Variants in XPO6 observed in about 807,000 individuals in gnomAD.
The protein encoded by XPO6 is exportin-6.
XPO6 carries 3 observed loss-of-function variants against 130.0 expected under a neutral mutation model. The observed-to-expected ratio is 0.02, with a 90% CI of 0.01 to 0.06. The LOEUF is 0.06. Among genes scored for constraint, XPO6 ranks in the 10% least tolerant of loss-of-function variants. The probability of loss-of-function intolerance (pLI) is 1.00; values close to 1 mark genes in which losing one functional copy is unlikely to be tolerated. For missense variants in XPO6, 970 were observed against 1,393.0 expected, an observed-to-expected ratio of 0.70 and a Z score of 4.83; for synonymous variants, 524 against 548.9, an observed-to-expected ratio of 0.95 and a Z score of 0.63.
intron 1 of XPO6, among the ~76,000 whole-genome samples, chr16:28,202,431 G>C (rs2141909980): frequency 6.6e-6 from 1 of 152,280 alleles, no homozygotes; most frequent in East Asian, 1.9e-4. Context: ...ACCTGGAAGA[G>C]AGGACCGGTC....
At chr16:28,125,575 T>G in intron 13 of XPO6, 114 bp downstream of exon 13, 5 of 1,368,666 alleles carry the variant, frequency 3.7e-6, no homozygotes, top group Non-Finnish European at 4.9e-6. Flanking sequence ...TGGCAGAGCC[T>G]AGATTTACCC....
At chr16:28,127,469 C>T (rs536616599) in intron 12 of XPO6, among the ~76,000 whole-genome samples, 5 of 152,204 alleles carry the variant, frequency 3.3e-5, no homozygotes, top group African/African-American at 9.6e-5. Context: ...AGTGAGTGAC[C>T]GTAAATGTAT....
chr16:28,169,833 C>A lies in XPO6; in HGVS notation c.482G>T (p.Arg161Leu). 1 of 1,614,158 alleles carries A rather than the reference C, an allele frequency of 6.2e-7. No homozygotes were observed. The highest frequency in any genetic ancestry group is 8.5e-7 in the Non-Finnish European group (1 of 1,180,002). The change falls in exon 5 of 24, where the codon CGT becomes CTT. Residue 161 changes from arginine to leucine, a missense_variant. Arg to Leu is a moderately radical substitution (Grantham distance 102). This residue lies in a region of XPO6 where 936 missense variants were observed against 1,306.8 expected (regional missense o/e 0.72). Coordinates refer to ENST00000304658, the MANE Select transcript of XPO6 (RefSeq NM_015171.4). ...KTTSEELACPREDLSVARKEE... is the reference protein window; with the variant it reads ...KTTSEELACPLEDLSVARKEE... ...CTTCCGAGCCACACTGAGGTCCTCA[C>A]GGGGACAAGCCAGCTCTTCTGAAGT...
intron 5 of XPO6, among the ~76,000 whole-genome samples, chr16:28,167,443 G>A (rs1791740370): frequency 6.6e-6 from 1 of 152,070 alleles, no homozygotes; most frequent in Non-Finnish European, 1.5e-5. Flanking sequence ...TCAACTGTCT[G>A]CTGTTCCTTC....
chr16:28,196,335 GATAATTT>G (rs1446486997), intron 1 of XPO6, among the ~76,000 whole-genome samples: 1 of 152,130 alleles, frequency 6.6e-6, no homozygotes, highest in African/African-American at 2.4e-5. Context: ...TATAGTGTAT[GATAATTT>G]ATATAAAATA....
chr16:28,188,385 A>G (rs2043729176), intron 1 of XPO6, among the ~76,000 whole-genome samples: 1 of 152,210 alleles, frequency 6.6e-6, no homozygotes, highest in Non-Finnish European at 1.5e-5. Flanking sequence ...AAACCTCAAC[A>G]AAATGAGGAC....
Position 28,132,866 on chromosome 16 carries a change from T to G in XPO6, c.1537-463A>C, listed in dbSNP as rs145146752. ...TAAGATTGGCCAAATTATTTGGAAG[T>G]CAGTTCCCTGGCTCAAGTAGCGGTC... On this transcript the variant is annotated intron_variant, in intron 11 of 23. Transcript: ENST00000304658. The surrounding 1 kb of genome is among the most constrained non-coding windows in gnomAD (Gnocchi z 4.0). Among the ~76,000 whole-genome samples the G allele has an allele frequency of 0.01, 1,578 of 152,260 alleles. 36 individuals carry two copies. Among genetic ancestry groups the G allele is most frequent in the African/African-American group, 0.036 (1,503 of 41,538 alleles).
intron 2 of XPO6, among the ~76,000 whole-genome samples, chr16:28,177,642 G>A (rs758629878): frequency 1.8e-4 from 28 of 152,156 alleles, no homozygotes; most frequent in Non-Finnish European, 3.1e-4. Flanking sequence ...TGTTCTAAGA[G>A]TACCCTTCCA....
chr16:28,110,327 C>T (rs1441055399), intron 17 of XPO6, among the ~76,000 whole-genome samples: 2 of 152,132 alleles, frequency 1.3e-5, no homozygotes, highest in Non-Finnish European at 2.9e-5. Flanking sequence ...TGGCTCTGGC[C>T]AAGGAAATAG....
At chr16:28,131,757 C>A (rs113473664) in intron 12 of XPO6, among the ~76,000 whole-genome samples, 58 of 152,302 alleles carry the variant, frequency 3.8e-4, no homozygotes, top group African/African-American at 1.3e-3. Flanking sequence ...TAACACAGTG[C>A]CTGGCATGTA....
At chr16:28,162,933 T>G (rs995820398) in intron 6 of XPO6, among the ~76,000 whole-genome samples, 1 of 152,178 alleles carries the variant, frequency 6.6e-6, no homozygotes, top group Non-Finnish European at 1.5e-5. Flanking sequence ...ATTTACTAAC[T>G]TAAGAGTTTT....
chr16:28,105,650 G>GT (rs2086759050), intron 20 of XPO6: 1 of 168,458 alleles, frequency 5.9e-6, no homozygotes, highest in Non-Finnish European at 1.3e-5. Context: ...GGGCTTTCCT[G>GT]TAACACTGAA....
chr16:28,140,851 T>C (rs1267353706), intron 9 of XPO6, among the ~76,000 whole-genome samples: 2 of 151,708 alleles, frequency 1.3e-5, no homozygotes, highest in Admixed American at 6.6e-5. Flanking sequence ...CTCAATAAAA[T>C]ATATATGAAT....
chr16:28,146,482 T>A lies in XPO6; in HGVS notation c.1225-279A>T, dbSNP rs1596874430. The stretch of plus-strand genomic sequence containing the variant: ...TCAAGCAAAAACCTATCTTAAAATC[T>A]GAGACTGGTAGAGAGGGCTCTTACA... On this transcript the variant is annotated intron_variant, in intron 8 of 23. Coordinates refer to ENST00000304658, the MANE Select transcript of XPO6 (RefSeq NM_015171.4). Among the ~76,000 whole-genome samples, 4 of 152,346 alleles carry A rather than the reference T, an allele frequency of 2.6e-5. No individual in the cohort carries two copies. The South Asian group carries it at 8.3e-4, about 32-fold the overall frequency.
intron 1 of XPO6, among the ~76,000 whole-genome samples, chr16:28,198,634 T>A (rs954485723): frequency 6.6e-6 from 1 of 150,930 alleles, no homozygotes; most frequent in South Asian, 2.1e-4. Flanking sequence ...CGAGATCCTA[T>A]CCTGATACAA....
Position 28,106,636 on chromosome 16 carries a change from T to A in XPO6, c.2498-139A>T, listed in dbSNP as rs2086788889. ...TGCTGGAAACATTTCCCCAACACCA[T>A]CAGGGCCAATGATGGAAAGTGGAAA... On this transcript the variant is annotated intron_variant, in intron 18 of 23. Coordinates refer to ENST00000304658, the MANE Select transcript of XPO6 (RefSeq NM_015171.4). This position sits in a 1 kb window ranked among gnomAD's most constrained non-coding sequence, Gnocchi z 4.2. 3 of 665,126 alleles carry A rather than the reference T, an allele frequency of 4.5e-6. No individual in the cohort carries two copies. The highest frequency in any genetic ancestry group is 2.6e-5 in the Admixed American group (1 of 38,576). 41.2% of individuals were successfully genotyped at this position (665,126 alleles called of 1,614,324 possible). A position where few individuals can be genotyped will look rare whatever the true frequency, so the allele number is the denominator to read the frequency against.
At chr16:28,206,639 G>C (rs1174294919) in intron 1 of XPO6, among the ~76,000 whole-genome samples, 2 of 152,102 alleles carry the variant, frequency 1.3e-5, no homozygotes, top group African/African-American at 4.8e-5. Flanking sequence ...TAATTTTGCT[G>C]ACCACATTTT....
chr16:28,186,374 C>CTTTTTTTTTTTCTTTTT (rs2043694132), intron 1 of XPO6, among the ~76,000 whole-genome samples: 1 of 81,440 alleles, frequency 1.2e-5, no homozygotes, highest in African/African-American at 6.6e-5. Flanking sequence ...CCCAGTTATT[C>CTTTTTTTTTTTCTTTTT]TTTTTTTTTT....
At chr16:28,136,211 G>GTTTTC in intron 9 of XPO6, among the ~76,000 whole-genome samples, 1 of 152,100 alleles carries the variant, frequency 6.6e-6, no homozygotes, top group East Asian at 1.9e-4. Flanking sequence ...GAAGTGTTTT[G>GTTTTC]TTTTGTTTTG....
Sources: allele counts gnomAD v4.1 joint callset (sites outside exome capture counted in the v4.1 genomes callset), GRCh38; gene constraint gnomAD v4.1.1; regional missense constraint gnomAD v4.1.1; non-coding constraint Gnocchi (gnomAD v3.1); transcripts MANE v1.5; gene names NCBI Gene and HGNC (gene_info 2026-07-23, HGNC 2026-07-21).